The following DCDC1 variants were observed in gnomAD, a reference collection of about 807,000 sequenced individuals.
DCDC1 encodes the protein doublecortin domain containing 1.
Under a neutral mutation model 178.3 loss-of-function variants are expected in DCDC1, and 200 were observed. The observed-to-expected ratio is 1.12, with a 90% confidence interval of 1.00 to 1.26. The LOEUF is 1.26. Ranked by LOEUF, DCDC1 falls within the 50% of genes most tolerant of loss-of-function variation. DCDC1 has a pLI of 0.00. For synonymous variants in DCDC1, 690 were observed against 604.8 expected (o/e 1.14, Z -2.07); for missense variants, 1,983 against 1,749.2 (o/e 1.13, Z -2.38).
intron 9 of DCDC1, among the ~76,000 whole-genome samples, chr11:31,190,959 A>C (rs1485895509): frequency 6.6e-6 from 1 of 152,090 alleles, no homozygotes; most frequent in East Asian, 1.9e-4. Flanking sequence ...TGGATACCAA[A>C]ATCTAAGGAT....
intron 2 of DCDC1, among the ~76,000 whole-genome samples, chr11:31,332,010 GA>G (rs1460727624): frequency 7.2e-5 from 11 of 152,124 alleles, no homozygotes; most frequent in Admixed American, 2.0e-4. Context: ...ATCTGGTCCT[GA>G]ACTTTTTTTG....
At chr11:31,189,954 G>T (rs1969947992) in intron 9 of DCDC1, among the ~76,000 whole-genome samples, 1 of 152,168 alleles carries the variant, frequency 6.6e-6, no homozygotes, top group Admixed American at 6.6e-5. Context: ...ATTTACCAAA[G>T]TTGACTGATA....
rs1469947083 is a variant in DCDC1 at position 31,077,860 on chromosome 11, C to G, written c.2298+5G>C. The stretch of plus-strand genomic sequence containing the variant: ...CATAAAAGCTGTGGATTATAAAGTC[C>G]TTACCTTTGAATAAATGCAACCATC... On this transcript the variant is annotated splice_donor_5th_base_variant and intron_variant, in intron 18 of 38. Coordinates refer to ENST00000684477, the MANE Select transcript of DCDC1 (RefSeq NM_001387274.1). The G allele has an allele frequency of 1.3e-6, 1 of 765,916 alleles. No individual in the cohort carries two copies. The allele number at this position is 765,916 out of a possible 1,614,324, so 47.4% of individuals were successfully genotyped here.
intron 1 of DCDC1, among the ~76,000 whole-genome samples, chr11:31,368,394 A>C (rs1295913559): frequency 2.0e-5 from 3 of 152,194 alleles, no homozygotes; most frequent in Non-Finnish European, 4.4e-5. Flanking sequence ...AGGGCTAGAG[A>C]TGTTCAAGGT....
chr11:31,295,377 C>A (rs1591674049), intron 6 of DCDC1, among the ~76,000 whole-genome samples: 1 of 151,938 alleles, frequency 6.6e-6, no homozygotes, highest in African/African-American at 2.4e-5. Context: ...CTGTTGGTGC[C>A]CCCCCAAGGT....
At chr11:31,070,850 A>G (rs1277313632) in intron 18 of DCDC1, among the ~76,000 whole-genome samples, 1 of 152,166 alleles carries the variant, frequency 6.6e-6, no homozygotes, top group Non-Finnish European at 1.5e-5. Flanking sequence ...GGACCTCCAC[A>G]GGAGTGCTTA....
intron 6 of DCDC1, among the ~76,000 whole-genome samples, chr11:31,298,379 G>C (rs1208488507): frequency 6.6e-6 from 1 of 151,498 alleles, no homozygotes; most frequent in Non-Finnish European, 1.5e-5. Context: ...CCTCTCCTCA[G>C]GTACTTTTCT....
chr11:30,985,167 C>T (rs534614682), intron 20 of DCDC1, among the ~76,000 whole-genome samples: 1 of 152,260 alleles, frequency 6.6e-6, no homozygotes, highest in South Asian at 2.1e-4. Context: ...AATCACAACA[C>T]TTCTTGGCAA....
chr11:31,035,091 C>G (rs1366128263), intron 20 of DCDC1, among the ~76,000 whole-genome samples: 1 of 152,152 alleles, frequency 6.6e-6, no homozygotes, highest in Non-Finnish European at 1.5e-5. Flanking sequence ...TAAGTAATCT[C>G]AGAATTTTAA....
intron 1 of DCDC1, among the ~76,000 whole-genome samples, chr11:31,361,657 T>C (rs1347510700): frequency 6.6e-6 from 1 of 152,106 alleles, no homozygotes; most frequent in Non-Finnish European, 1.5e-5. Flanking sequence ...ATTTTTGTAT[T>C]TTTAGTAGAG....
intron 20 of DCDC1, among the ~76,000 whole-genome samples, chr11:31,048,699 A>T (rs557080912): frequency 3.3e-5 from 5 of 151,306 alleles, no homozygotes; most frequent in South Asian, 4.2e-4. Context: ...TAAAAATATA[A>T]AAAAAAAATT....
At chr11:31,088,690 A>C (rs1439449274) in intron 17 of DCDC1, among the ~76,000 whole-genome samples, 2 of 152,118 alleles carry the variant, frequency 1.3e-5, no homozygotes, top group African/African-American at 2.4e-5. Flanking sequence ...TTTTAAAGAG[A>C]CAAAAATAAT....
At chr11:31,244,707 A>C (rs568306636) in intron 8 of DCDC1, among the ~76,000 whole-genome samples, 3 of 151,716 alleles carry the variant, frequency 2.0e-5, no homozygotes, top group Non-Finnish European at 4.4e-5. Context: ...TCATCCCTTA[A>C]ATTTAGCAAT....
chr11:31,344,336 T>G (rs1950704846), intron 1 of DCDC1, among the ~76,000 whole-genome samples: 1 of 152,202 alleles, frequency 6.6e-6, no homozygotes, highest in South Asian at 2.1e-4. Flanking sequence ...TTCCTTTACT[T>G]CCTATTTCTT....
intron 8 of DCDC1, among the ~76,000 whole-genome samples, chr11:31,259,473 T>C (rs1944637886): frequency 1.3e-5 from 2 of 152,230 alleles, no homozygotes; most frequent in African/African-American, 4.8e-5. Context: ...ACTTTACATA[T>C]ATTTCACTTA....
At chr11:31,238,261 G>GC (rs2136861737) in intron 9 of DCDC1, among the ~76,000 whole-genome samples, 1 of 152,146 alleles carries the variant, frequency 6.6e-6, no homozygotes, top group Admixed American at 6.6e-5. Context: ...TTGTATAGCT[G>GC]CCTGGCACAG....
intron 35 of DCDC1, among the ~76,000 whole-genome samples, chr11:30,893,972 T>A (rs1163247799): frequency 6.6e-6 from 1 of 152,188 alleles, no homozygotes; most frequent in Non-Finnish European, 1.5e-5. Context: ...ATTATTACAA[T>A]TACCTTTGTA....
Position 30,971,654 on chromosome 11 carries a change from G to A in DCDC1, c.2592-19086C>T, listed in dbSNP as rs1008001604. On this transcript the variant is annotated intron_variant, in intron 20 of 38. Transcript: ENST00000684477. ...AGACGGAGTCTCACTCTGCCACCCA[G>A]GCTGGAGTGCAGTGGCGCGATCTTG... Among the ~76,000 whole-genome samples, 4 of 134,612 alleles carry A rather than the reference G, an allele frequency of 3.0e-5. No individual in the cohort carries two copies. In the Admixed American group the frequency reaches 3.2e-4, roughly 11 times the overall value. The allele number at this position is 134,612 out of a possible 152,430, so 88.3% of individuals were successfully genotyped here. A position where few individuals can be genotyped will look rare whatever the true frequency, so the allele number is the denominator to read the frequency against.
intron 10 of DCDC1, among the ~76,000 whole-genome samples, chr11:31,136,485 T>C (rs1200617396): frequency 1.3e-4 from 20 of 152,118 alleles, no homozygotes. Context: ...CAGGAAAATT[T>C]GGTGCATGCT....
Sources: allele counts gnomAD v4.1 joint callset (sites outside exome capture counted in the v4.1 genomes callset), GRCh38; gene constraint gnomAD v4.1.1; transcripts MANE v1.5; gene names NCBI Gene and HGNC (gene_info 2026-07-23, HGNC 2026-07-21).